Variants in RIF1 observed in about 807,000 individuals in gnomAD.
RIF1 encodes telomere-associated protein RIF1.
Under a neutral mutation model 247.1 loss-of-function variants are expected in RIF1, and 45 were observed. The ratio of observed to expected loss-of-function variants is 0.18; its 90% CI spans 0.14 to 0.23. RIF1 has a LOEUF of 0.23. RIF1 is among the 10% of genes least tolerant of loss of function. The pLI, the probability that RIF1 is intolerant of heterozygous loss-of-function variation, is 1.00. For missense variants in RIF1, 2,967 were observed against 2,862.5 expected (o/e 1.04, Z -0.83); for synonymous variants, 1,087 against 978.8 (o/e 1.11, Z -2.06).
intron 9 of RIF1, 73 bp from the exon 10 acceptor site, chr2:151,433,004 T>C (rs764908654): frequency 8.8e-7 from 1 of 1,135,254 alleles, no homozygotes; most frequent in Non-Finnish European, 1.3e-6. Flanking sequence ...GATAAAAGAC[T>C]GTTGCATAGC....
downstream of RIF1, among the ~76,000 whole-genome samples, chr2:151,510,516 C>A (rs1280030821): frequency 6.6e-6 from 1 of 152,212 alleles, no homozygotes; most frequent in African/African-American, 2.4e-5. Context: ...GTTTCACTTT[C>A]CACGGTTTCA....
chr2:151,464,244 A>G lies in RIF1; in HGVS notation c.4724A>G (p.Lys1575Arg), dbSNP rs1388227457. Residue 1575 changes from lysine (K) to arginine (R), a missense_variant, in exon 30 of 36, where the codon AAA (lysine) becomes AGA (arginine). Physicochemically the swap from Lys to Arg is conservative, Grantham distance 26 (BLOSUM62 2). Around this residue, in one of 7 missense-constraint regions of RIF1, gnomAD observed 2,028 missense variants for 1,825.6 expected, o/e 1.11. Coordinates refer to ENST00000444746, the MANE Select transcript of RIF1 (RefSeq NM_018151.5). Reference sequence around the variant, plus strand: ...AAGAGATCTGGAAAATGGAAAAACAAAAGCAATGAAAGTGTTGACATTCAA... The same window carrying G: ...AAGAGATCTGGAAAATGGAAAAACAGAAGCAATGAAAGTGTTGACATTCAA... ...RKKRSGKWKNKSNESVDIQDQ... is the reference protein window; with the variant it reads ...RKKRSGKWKNRSNESVDIQDQ... 6.2e-7 allele frequency: 1 copy of G among 1,613,994 alleles called. No individual in the cohort carries two copies. The highest frequency in any genetic ancestry group is 1.1e-5 in the South Asian group (1 of 91,062).
At position 151,496,207 on chromosome 2, in the gene RIF1, G is replaced by GTAT. The variant is rs1018276843; in HGVS notation, c.*513+886_*513+888dup. 17 of 1,399,592 alleles carry GTAT rather than the reference G, an allele frequency of 1.2e-5. No individual in the cohort carries two copies. In the African/African-American group the frequency reaches 2.2e-4, roughly 18 times the overall value. 86.7% of individuals were successfully genotyped at this position (1,399,592 alleles called of 1,614,324 possible). A position where few individuals can be genotyped will look rare whatever the true frequency, so the allele number is the denominator to read the frequency against. On this transcript the variant is annotated intron_variant and NMD_transcript_variant, in intron 10 of 13. Transcript: ENST00000454583. ...TGTCTTTAAAAAGTAGGATTAATATGTATTATTTTAAATCATAAAAGTAGT... is the reference window on the plus strand; with the variant it reads ...TGTCTTTAAAAAGTAGGATTAATATGTATTATTATTTTAAATCATAAAAGTAGT...
chr2:151,433,919 C>T (rs1690656884), intron 10 of RIF1, among the ~76,000 whole-genome samples: 1 of 151,898 alleles, frequency 6.6e-6, no homozygotes, highest in Non-Finnish European at 1.5e-5. Context: ...TGCCTGTAGT[C>T]CTAGCACTTT....
intron 8 of RIF1, among the ~76,000 whole-genome samples, chr2:151,424,753 C>CT (rs1192004768): frequency 6.7e-6 from 1 of 150,094 alleles, no homozygotes; most frequent in Non-Finnish European, 1.5e-5. Context: ...ACTGCAACCT[C>CT]TGTCTCCCAG....
At position 151,476,304 on chromosome 2, in the gene RIF1, C is replaced by T. The variant is rs1241364097; in HGVS notation, c.*1233C>T. The T allele has an allele frequency of 1.3e-5, 2 of 152,064 alleles. No individual in the cohort carries two copies. The highest frequency in any genetic ancestry group is 2.9e-5 in the Non-Finnish European group (2 of 67,982). 9.4% of individuals were successfully genotyped at this position (152,064 alleles called of 1,614,324 possible). On this transcript the variant is annotated 3_prime_UTR_variant, in exon 36 of 36. Transcript: ENST00000444746. ...TGTTTTTAATATATGTCTGTGTTGC[C>T]TAGGTTTTCTTTTTTTAAAGAGGTA...
chr2:151,490,387 A>G, intron 9 of RIF1: 1 of 1,591,332 alleles, frequency 6.3e-7, no homozygotes. Flanking sequence ...GAGACTGCAA[A>G]GACACCCCCG....
At chr2:151,488,539 TG>T (rs1368779824) in intron 9 of RIF1, among the ~76,000 whole-genome samples, 1 of 151,780 alleles carries the variant, frequency 6.6e-6, no homozygotes, top group Non-Finnish European at 1.5e-5. Context: ...CTAGCTATTC[TG>T]GTGGCTGAGG....
intron 8 of RIF1, among the ~76,000 whole-genome samples, chr2:151,428,415 CTAATA>C (rs1302719113): frequency 1.3e-5 from 2 of 151,854 alleles, no homozygotes; most frequent in Non-Finnish European, 2.9e-5. Flanking sequence ...CCTTTTTTCT[CTAATA>C]TAATTTTTTA....
chr2:151,518,872 CAGT>C, the RIF1 span: 1 of 767,080 alleles, frequency 1.3e-6, no homozygotes, highest in African/African-American at 1.7e-5. Context: ...TCTAGGGTAT[CAGT>C]AGCAGAGAAG....
the RIF1 span, chr2:151,527,007 C>G: frequency 6.3e-7 from 1 of 1,595,644 alleles, no homozygotes; most frequent in Non-Finnish European, 8.6e-7. Flanking sequence ...AACTCCCGGT[C>G]CAGCTTATAT....
chr2:151,430,259 G>A (rs977084731), intron 9 of RIF1, among the ~76,000 whole-genome samples: 1 of 152,148 alleles, frequency 6.6e-6, no homozygotes, highest in African/African-American at 2.4e-5. Flanking sequence ...CTGACCTGGT[G>A]ATCTGCCCGC....
intron 9 of RIF1, chr2:151,490,145 C>T: frequency 7.7e-7 from 1 of 1,293,022 alleles, no homozygotes; most frequent in Non-Finnish European, 1.1e-6. Flanking sequence ...CTGTGTTTAG[C>T]AGCTGAGTGA....
Position 151,466,132 on chromosome 2 carries a change from GAGGCTAAATATTA to G in RIF1, c.6600+16_6600+28del. On this transcript the variant is annotated intron_variant, in intron 30 of 35. Coordinates refer to ENST00000444746, the MANE Select transcript of RIF1 (RefSeq NM_018151.5). ...CACCTGTTAATAAGGTAAGGGGAATGAGGCTAAATATTAAGGAACCCAGTATTTGGTTGGGATA... is the reference window on the plus strand; with the variant it reads ...CACCTGTTAATAAGGTAAGGGGAATGAGGAACCCAGTATTTGGTTGGGATA... The G allele has an allele frequency of 6.7e-7, 1 of 1,493,892 alleles. No individual in the cohort carries two copies. The highest frequency in any genetic ancestry group is 1.4e-5 in the African/African-American group (1 of 71,446). 92.5% of individuals were successfully genotyped at this position (1,493,892 alleles called of 1,614,324 possible).
At chr2:151,482,949 C>A (rs75513573), downstream of RIF1, among the ~76,000 whole-genome samples, 343 of 152,178 alleles carry the variant, frequency 2.3e-3, 2 homozygotes, top group African/African-American at 8.0e-3. Context: ...CTTCATATGA[C>A]TTTCTACCTA....
intron 9 of RIF1, among the ~76,000 whole-genome samples, chr2:151,494,823 AT>A (rs1361337534): frequency 4.0e-5 from 6 of 151,582 alleles, no homozygotes; most frequent in East Asian, 1.9e-4. Flanking sequence ...TAATTTTTGT[AT>A]TTTTTAGTAG....
At position 151,502,914 on chromosome 2, in the gene RIF1, A is replaced by T. The variant is rs772924160; in HGVS notation, c.*710-120A>T. The stretch of plus-strand genomic sequence containing the variant: ...TGAGATACAAGAAAGTACCCAGAGG[A>T]CATTTAAAACAGGCACAGAGAGTAA... On this transcript the variant is annotated intron_variant and NMD_transcript_variant, in intron 11 of 13. Transcript: ENST00000454583. The T allele has an allele frequency of 3.0e-6, 4 of 1,336,628 alleles. No homozygotes were observed. The African/African-American group carries it at 5.9e-5, about 20-fold the overall frequency. 82.8% of individuals were successfully genotyped at this position (1,336,628 alleles called of 1,614,324 possible).
intron 20 of RIF1, among the ~76,000 whole-genome samples, chr2:151,446,919 A>T (rs1352640507): frequency 6.6e-6 from 1 of 150,564 alleles, no homozygotes. Context: ...TTGTAGTCTT[A>T]GAAAATATAA....
chr2:151,518,250 A>G, the RIF1 span: 1 of 1,145,994 alleles, frequency 8.7e-7, no homozygotes, highest in Non-Finnish European at 1.3e-6. Flanking sequence ...GGAATCTATG[A>G]AATTTTTTTT....
Sources: gnomAD v4.1 joint callset for allele counts (sites outside exome capture counted in the v4.1 genomes callset) on GRCh38, gnomAD v4.1.1 for gene constraint, gnomAD v4.1.1 regional missense constraint, MANE v1.5 for transcripts, NCBI Gene and HGNC (gene_info 2026-07-23, HGNC 2026-07-21) for gene names.